SEMA6C: variants seen among roughly 807,000 people sequenced by gnomAD.
The protein encoded by SEMA6C is semaphorin 6C.
SEMA6C carries 37 observed loss-of-function variants against 72.9 expected under a neutral mutation model. That is an observed-to-expected ratio of 0.51 (90% CI 0.39 to 0.67). The LOEUF (loss-of-function observed/expected upper bound fraction) is 0.67. SEMA6C is among the 30% of genes least tolerant of loss of function. SEMA6C has a pLI of 0.00. For missense variants in SEMA6C, 1,189 were observed against 1,263.6 expected, an observed-to-expected ratio of 0.94 and a Z score of 0.89; for synonymous variants, 578 against 554.1, an observed-to-expected ratio of 1.04 and a Z score of -0.61.
At position 151,134,808 on chromosome 1, in the gene SEMA6C, C is replaced by A; in HGVS notation, c.1648G>T (p.Gly550Ter). Residue 550 changes from glycine (G) to a stop codon, truncating the protein, a stop_gained, in exon 16 of 19, where the codon GGA becomes TGA. Coordinates refer to ENST00000368914, the MANE Select transcript of SEMA6C (RefSeq NM_030913.6). LOFTEE classifies it high-confidence loss of function. Reference protein sequence around the residue: ...HSSRGCVDIRGSGGTDVDQAG... With the variant: ...HSSRGCVDIR The stretch of plus-strand genomic sequence containing the variant: ...GGACCCATCACTTACCCACCAGATC[C>A]CCTGATATCCACACAGCCCCTGGAG... 6.2e-7 allele frequency: 1 copy of A among 1,614,118 alleles called. No homozygotes were observed. The highest frequency in any genetic ancestry group is 1.1e-5 in the South Asian group (1 of 91,086).
At chr1:151,141,544 G>A (rs1034687543) in intron 3 of SEMA6C, among the ~76,000 whole-genome samples, 1 of 151,902 alleles carries the variant, frequency 6.6e-6, no homozygotes, top group Non-Finnish European at 1.5e-5. Context: ...CAAGTAGCTG[G>A]GGTTACAGGC....
intron 10 of SEMA6C, 57 bp downstream of exon 10, chr1:151,137,654 G>T: frequency 7.1e-7 from 1 of 1,404,078 alleles, no homozygotes; most frequent in Non-Finnish European, 1.0e-6. Flanking sequence ...ACTCAGACTG[G>T]CTCCTCAGGA....
intron 1 of SEMA6C, chr1:151,144,989 T>C (rs925788637): frequency 3.9e-5 from 6 of 152,310 alleles, no homozygotes; most frequent in Non-Finnish European, 5.9e-5. Flanking sequence ...TTGGCTGGCC[T>C]TTGCATTGGC....
chr1:151,132,625 C>T lies in SEMA6C; in HGVS notation c.2652G>A (p.Leu884=), dbSNP rs1290483409. 4 of 1,550,966 alleles carry T rather than the reference C, an allele frequency of 2.6e-6. No individual in the cohort carries two copies. The highest frequency in any genetic ancestry group is 4.9e-5 in the East Asian group (2 of 40,918). The change falls in exon 19 of 19, where the codon CTG becomes CTA. Residue 884 remains leucine, a synonymous_variant. Transcript: ENST00000368914. The part of the protein sequence containing the change: ...RYSGGPGKHL[L]YLGRPEGYRG... ...GGTAGCCCTCGGGCCGGCCCAGGTA[C>T]AGGAGGTGCTTCCCGGGACCCCCGG...
At position 151,142,623 on chromosome 1, in the gene SEMA6C, C is replaced by A. The variant is rs1281562085; in HGVS notation, c.-2G>T. On this transcript the variant is annotated 5_prime_UTR_variant, in exon 3 of 19. The change creates a new upstream start codon in the 5' untranslated region. Coordinates refer to ENST00000368914, the MANE Select transcript of SEMA6C (RefSeq NM_030913.6). Reference sequence around the variant, plus strand: ...CATGAAGTGGGGGGCACGGGGCATCCTGTGCGGGGCAGCTCAGGCCCCAGG... The same window carrying A: ...CATGAAGTGGGGGGCACGGGGCATCATGTGCGGGGCAGCTCAGGCCCCAGG... The A allele has an allele frequency of 3.8e-6, 6 of 1,563,548 alleles. No homozygotes were observed. The South Asian group carries it at 7.3e-5, about 19-fold the overall frequency.
At position 151,137,715 on chromosome 1, in the gene SEMA6C, C is replaced by G. The variant is rs1485370621; in HGVS notation, c.752G>C (p.Gly251Ala). The change falls in exon 10 of 19, where the codon GGG becomes GCG. Residue 251 changes from glycine (G) to alanine (A), a missense_variant. By Grantham distance (60) the Gly-to-Ala change is moderately conservative. Coordinates refer to ENST00000368914, the MANE Select transcript of SEMA6C (RefSeq NM_030913.6). ...CCCTGATGCCCACCTCCTTACCCTC[C>G]CCAGCCGAGCATCCTCCACAGAGAC... ...REVSVEDARL[G>A]RVQFSRVARV... The G allele has an allele frequency of 6.2e-7, 1 of 1,612,200 alleles. No individual in the cohort carries two copies. Among genetic ancestry groups the G allele is most frequent in the Admixed American group, 1.7e-5 (1 of 59,942 alleles).
In SEMA6C at chr1:151,133,148, T is replaced by C; in HGVS notation, c.2129A>G (p.Lys710Arg). Reference protein sequence around the residue: ...TPESTPELPVKHLRAAGDPWE... With the variant: ...TPESTPELPVRHLRAAGDPWE... ...GGGGTCCCCGGCGGCGCGGAGGTGC[T>C]TGACCGGCAGCTCCGGCGTGGACTC... The change falls in exon 19 of 19, where the codon AAG becomes AGG. Residue 710 changes from lysine to arginine, a missense_variant. By Grantham distance (26) the Lys-to-Arg change is conservative. Transcript: ENST00000368914. The surrounding 1 kb of genome is among the most constrained non-coding windows in gnomAD (Gnocchi z 5.9). The C allele has an allele frequency of 6.4e-7, 1 of 1,554,492 alleles. No homozygotes were observed. The highest frequency in any genetic ancestry group is 2.3e-5 in the East Asian group (1 of 43,296).
intron 2 of SEMA6C, among the ~76,000 whole-genome samples, 176 bp from the exon 3 acceptor site, chr1:151,142,851 C>G (rs78171963): frequency 0.018 from 2,797 of 152,324 alleles, 79 homozygotes; most frequent in African/African-American, 0.064. Flanking sequence ...CAAGGCCCTT[C>G]CCTCTGCAAC....
rs1682168299 is a variant in SEMA6C at position 151,137,734 on chromosome 1, C to T, written c.733G>A (p.Val245Met). 1.2e-6 allele frequency: 2 copies of T among 1,613,768 alleles called. No homozygotes were observed. Among genetic ancestry groups the T allele is most frequent in the African/African-American group, 1.3e-5 (1 of 75,016 alleles). Residue 245 changes from valine (V) to methionine (M), a missense_variant, in exon 10 of 19, where the codon GTG becomes ATG. Physicochemically the swap from Val to Met is conservative, Grantham distance 21. Coordinates refer to ENST00000368914, the MANE Select transcript of SEMA6C (RefSeq NM_030913.6). Reference sequence around the variant, plus strand: ...ACCCTCCCCAGCCGAGCATCCTCCACAGAGACCTCGCGGAAGAAGAAGTAG... The same window carrying T: ...ACCCTCCCCAGCCGAGCATCCTCCATAGAGACCTCGCGGAAGAAGAAGTAG... ...HVYFFFREVS[V>M]EDARLGRVQF...
In SEMA6C at chr1:151,132,025, C is replaced by G. The variant is rs915351808; in HGVS notation, c.*459G>C. The G allele has an allele frequency of 2.7e-6, 1 of 369,544 alleles. No homozygotes were observed. Among genetic ancestry groups the G allele is most frequent in the African/African-American group, 2.2e-5 (1 of 45,160 alleles). The allele number at this position is 369,544 out of a possible 1,614,324, so 22.9% of individuals were successfully genotyped here. A position where few individuals can be genotyped will look rare whatever the true frequency, so the allele number is the denominator to read the frequency against. ...CAGAGCGAGCCGACCGACTGCCGCC[C>G]TCCCCCGCCCGAGTGAAGTCAGGCA... is the stretch of plus-strand genomic sequence containing the variant. On this transcript the variant is annotated 3_prime_UTR_variant, in exon 19 of 19. Transcript: ENST00000368914.
At chr1:151,139,015 C>G (rs1223841407) in intron 6 of SEMA6C, among the ~76,000 whole-genome samples, 2 of 151,662 alleles carry the variant, frequency 1.3e-5, no homozygotes, top group African/African-American at 4.8e-5. Flanking sequence ...AATGCTTGAA[C>G]CACGGAGGCG....
chr1:151,134,340 G>T, intron 18 of SEMA6C, 61 bp downstream of exon 18: 2 of 1,434,582 alleles, frequency 1.4e-6, no homozygotes, highest in Non-Finnish European at 1.9e-6. Flanking sequence ...GCTGCTACAG[G>T]ACACACACTC....
At chr1:151,139,108 A>G (rs917482721) in intron 6 of SEMA6C, among the ~76,000 whole-genome samples, 3 of 151,680 alleles carry the variant, frequency 2.0e-5, no homozygotes, top group Non-Finnish European at 2.9e-5. Context: ...AAAAAAAAAA[A>G]AAAGAAAAGA....
chr1:151,132,700 G>T lies in SEMA6C; in HGVS notation c.2577C>A (p.Ala859=). Residue 859 remains alanine (A), a synonymous_variant, in exon 19 of 19, where the codon GCC becomes GCA. Coordinates refer to ENST00000368914, the MANE Select transcript of SEMA6C (RefSeq NM_030913.6). ...GRRLPFSGHR[A]PPALLTRVPS... ...GGACTCGAGTGAGCAGGGCAGGGGGGGCCCGGTGGCCGGAGAAAGGCAACC... is the reference window on the plus strand; with the variant it reads ...GGACTCGAGTGAGCAGGGCAGGGGGTGCCCGGTGGCCGGAGAAAGGCAACC... The T allele has an allele frequency of 6.7e-7, 1 of 1,492,600 alleles. No individual in the cohort carries two copies. The highest frequency in any genetic ancestry group is 1.3e-5 in the South Asian group (1 of 77,480). 92.5% of individuals were successfully genotyped at this position (1,492,600 alleles called of 1,614,324 possible).
chr1:151,134,063 C>T (rs1211693197), intron 18 of SEMA6C: 1 of 1,502,842 alleles, frequency 6.7e-7, no homozygotes, highest in South Asian at 1.3e-5. Context: ...GCACTGGTGG[C>T]AGAGACCAGG....
chr1:151,133,655 ACCAT>A lies in SEMA6C; in HGVS notation c.1760-142_1760-139del. 2.2e-6 allele frequency: 3 copies of A among 1,368,522 alleles called. No individual in the cohort carries two copies. In the South Asian group the frequency reaches 4.6e-5, roughly 21 times the overall value. 84.8% of individuals were successfully genotyped at this position (1,368,522 alleles called of 1,614,324 possible). Reference sequence around the variant, plus strand: ...ACTCAGCCTCACTCCTACAGCCTCCACCATCCTCAGGATTCACCTCTCCTGACTC... The same window carrying A: ...ACTCAGCCTCACTCCTACAGCCTCCACCTCAGGATTCACCTCTCCTGACTC... On this transcript the variant is annotated intron_variant, in intron 18 of 18. Transcript: ENST00000368914. This position sits in a 1 kb window ranked among gnomAD's most constrained non-coding sequence, Gnocchi z 5.9.
intron 3 of SEMA6C, among the ~76,000 whole-genome samples, chr1:151,142,188 C>T (rs1056355643): frequency 6.6e-6 from 1 of 152,150 alleles, no homozygotes; most frequent in African/African-American, 2.4e-5. Context: ...AGGCGCCCGC[C>T]ACAATGTCCG....
Position 151,133,254 on chromosome 1 carries a change from G to A in SEMA6C, c.2023C>T (p.Gln675Ter). The A allele has an allele frequency of 6.3e-7, 1 of 1,579,162 alleles. No individual in the cohort carries two copies. The highest frequency in any genetic ancestry group is 8.6e-7 in the Non-Finnish European group (1 of 1,167,918). Residue 675 changes from glutamine (Q) to a stop codon, truncating the protein, a stop_gained, in exon 19 of 19, where the codon CAG becomes TAG. Coordinates refer to ENST00000368914, the MANE Select transcript of SEMA6C (RefSeq NM_030913.6). LOFTEE classifies it low-confidence loss of function (END_TRUNC). This position sits in a 1 kb window ranked among gnomAD's most constrained non-coding sequence, Gnocchi z 5.9. ...AAGGTGGTGTAGAGCTGCGGCGTCTGCACCGCGTCCCCGTCCTTGGAGGGC... is the reference window on the plus strand; with the variant it reads ...AAGGTGGTGTAGAGCTGCGGCGTCTACACCGCGTCCCCGTCCTTGGAGGGC... ...PPPSKDGDAV[Q>*]TPQLYTTFLP... is the part of the protein sequence containing the mutation.
At chr1:151,139,062 C>T (rs1682294555) in intron 6 of SEMA6C, among the ~76,000 whole-genome samples, 2 of 142,618 alleles carry the variant, frequency 1.4e-5, no homozygotes, top group African/African-American at 2.7e-5. Context: ...CATTGCACTC[C>T]AGTCTGGGCA....
Sources: allele counts gnomAD v4.1 joint callset (sites outside exome capture counted in the v4.1 genomes callset), GRCh38; gene constraint gnomAD v4.1.1; non-coding constraint Gnocchi (gnomAD v3.1); transcripts MANE v1.5; gene names NCBI Gene and HGNC (gene_info 2026-07-23, HGNC 2026-07-21).